The following PLXNA4 variants were observed in gnomAD, a reference collection of about 807,000 sequenced individuals.
PLXNA4 encodes plexin A4, also known as plexin-A4.
A neutral mutation model predicts 191.8 loss-of-function variants in PLXNA4; 44 were observed. The ratio of observed to expected loss-of-function variants is 0.23; its 90% confidence interval spans 0.18 to 0.29. The LOEUF is 0.29. PLXNA4 is among the 10% of genes least tolerant of loss of function. PLXNA4 has a pLI of 1.00. For missense variants in PLXNA4, 1,800 were observed against 2,488.8 expected (o/e 0.72, Z 5.89); for synonymous variants, 1,082 against 1,009.5 (o/e 1.07, Z -1.36).
At position 132,146,681 on chromosome 7, in the gene PLXNA4, C is replaced by T. The variant is rs564085342; in HGVS notation, c.4884G>A (p.Thr1628=). The change falls in exon 28 of 32, where the codon ACG becomes ACA. Residue 1628 remains threonine (T), a synonymous_variant. Coordinates refer to ENST00000321063, the MANE Select transcript of PLXNA4 (RefSeq NM_020911.2). ...GTGAGCGGAGGCTGTCGGGGCTGCC[C>T]GTGTACCGGATCATGTTTTCTGCCA... ...ASKYENMIRY[T]GSPDSLRSRT... The T allele has an allele frequency of 2.1e-5, 34 of 1,614,154 alleles. No individual in the cohort carries two copies. The highest frequency in any genetic ancestry group is 2.5e-5 in the Non-Finnish European group (29 of 1,180,012).
intron 9 of PLXNA4, 28 bp downstream of exon 9, chr7:132,223,499 C>T (rs1798211685): frequency 6.3e-7 from 1 of 1,575,342 alleles, no homozygotes; most frequent in African/African-American, 1.4e-5. Flanking sequence ...ACAAGAGACA[C>T]TCACCACTCT....
At chr7:132,608,110 ACCACCATCACTG>A (rs1802971675) in intron 2 of PLXNA4, among the ~76,000 whole-genome samples, 1 of 9,810 alleles carries the variant, frequency 1.0e-4, no homozygotes. Context: ...TATCACCATC[ACCACCATCACTG>A]CCATCATCAT....
In PLXNA4 at chr7:132,583,989, C is replaced by T. The variant is rs1319115853; in HGVS notation, c.-87+61939G>A. On this transcript the variant is annotated intron_variant, in intron 2 of 4. Transcript: ENST00000378539. ...ATCAGCCACTGTGGATGTATTTGCA[C>T]TATGGGAATAGGCACATGCTACAAA... Among the ~76,000 whole-genome samples, 7 of 152,306 alleles carry T rather than the reference C, an allele frequency of 4.6e-5. No individual in the cohort carries two copies. The East Asian group carries it at 9.7e-4, about 21-fold the overall frequency.
rs548812406 is a variant in PLXNA4 at position 132,242,313 on chromosome 7, G to A, written c.1504-1147C>T. ...CAACAGGCACAGAAAACTATAAACT[G>A]TGCTGACCTGGCTGAACCCTCTCTG... On this transcript the variant is annotated intron_variant, in intron 4 of 31. Transcript: ENST00000321063. Among the ~76,000 whole-genome samples the A allele has an allele frequency of 3.3e-5, 5 of 152,228 alleles. No individual in the cohort carries two copies. In the East Asian group the frequency reaches 9.7e-4, roughly 29 times the overall value.
intron 3 of PLXNA4, among the ~76,000 whole-genome samples, chr7:132,448,321 C>G (rs1418976505): frequency 6.6e-6 from 1 of 152,222 alleles, no homozygotes; most frequent in Admixed American, 6.5e-5. Context: ...CTCACAATAG[C>G]TGGTTGTTAC....
chr7:132,615,525 C>G (rs1167415448), intron 2 of PLXNA4, among the ~76,000 whole-genome samples: 2 of 152,156 alleles, frequency 1.3e-5, no homozygotes, highest in African/African-American at 2.4e-5. Context: ...CTGGACGCAA[C>G]GAAGAGTCAC....
intron 2 of PLXNA4, among the ~76,000 whole-genome samples, chr7:132,639,761 A>G (rs1050740497): frequency 7.9e-5 from 12 of 152,336 alleles, no homozygotes; most frequent in South Asian, 2.1e-4. Flanking sequence ...CAATTTTCCA[A>G]TGATAAATTT....
intron 13 of PLXNA4, 37 bp downstream of exon 13, chr7:132,198,448 C>G (rs750294211): frequency 2.5e-6 from 4 of 1,605,624 alleles, no homozygotes; most frequent in Non-Finnish European, 3.4e-6. Context: ...CGTCTTCCCT[C>G]CCCTGTTCCT....
intron 1 of PLXNA4, among the ~76,000 whole-genome samples, chr7:132,569,423 G>C (rs1222148367): frequency 3.3e-5 from 5 of 152,234 alleles, no homozygotes; most frequent in Non-Finnish European, 5.9e-5. Context: ...AGGACAGACA[G>C]GCAGGGGCAC....
Position 132,198,402 on chromosome 7 carries a change from A to G in PLXNA4, c.2738+83T>C, listed in dbSNP as rs1386425328. ...TTCCCCCACAACAAGCTCTGAGAGC[A>G]CCTAGTTGCTGACCAGGACATCCCT... On this transcript the variant is annotated intron_variant, in intron 13 of 31. Coordinates refer to ENST00000321063, the MANE Select transcript of PLXNA4 (RefSeq NM_020911.2). 1.1e-5 allele frequency: 16 copies of G among 1,512,644 alleles called. No individual in the cohort carries two copies. The Admixed American group carries it at 2.3e-4, about 22-fold the overall frequency. The allele number at this position is 1,512,644 out of a possible 1,614,324, so 93.7% of individuals were successfully genotyped here. A position where few individuals can be genotyped will look rare whatever the true frequency, so the allele number is the denominator to read the frequency against.
intron 27 of PLXNA4, among the ~76,000 whole-genome samples, chr7:132,147,557 G>C (rs913329508): frequency 6.6e-6 from 1 of 152,082 alleles, no homozygotes; most frequent in Non-Finnish European, 1.5e-5. Context: ...GTGCACCTGA[G>C]TTATAATGTA....
At chr7:132,371,936 A>C (rs1000838801) in intron 3 of PLXNA4, among the ~76,000 whole-genome samples, 12 of 152,190 alleles carry the variant, frequency 7.9e-5, no homozygotes, top group Admixed American at 1.3e-4. Context: ...AACTGCAATC[A>C]TGCATCCAAA....
chr7:132,293,254 G>A (rs1322465729), intron 4 of PLXNA4, among the ~76,000 whole-genome samples: 1 of 152,068 alleles, frequency 6.6e-6, no homozygotes, highest in Non-Finnish European at 1.5e-5. Context: ...TTTTCATGCT[G>A]CTGAAAAAAA....
intron 3 of PLXNA4, among the ~76,000 whole-genome samples, chr7:132,393,307 T>A (rs1403493993): frequency 6.7e-6 from 1 of 149,408 alleles, no homozygotes; most frequent in African/African-American, 2.5e-5. Flanking sequence ...CCAGACTGTG[T>A]CTCTCATCTG....
chr7:132,174,219 C>T (rs1796383332), intron 21 of PLXNA4, among the ~76,000 whole-genome samples: 1 of 152,150 alleles, frequency 6.6e-6, no homozygotes. Context: ...TATGAATAGA[C>T]ACCTAAGCCA....
intron 3 of PLXNA4, among the ~76,000 whole-genome samples, chr7:132,310,722 C>T (rs1416344546): frequency 3.9e-5 from 6 of 152,186 alleles, no homozygotes; most frequent in African/African-American, 7.2e-5. Context: ...CAGACAAGTG[C>T]GTATTACCTC....
rs769694663 is a variant in PLXNA4 at position 132,185,303 on chromosome 7, C to T, written c.3154G>A (p.Val1052Ile). The change falls in exon 16 of 32, where the codon GTC becomes ATC. Residue 1052 changes from valine to isoleucine, a missense_variant. By Grantham distance (29) the Val-to-Ile change is conservative. This residue lies in a region of PLXNA4 where 1,397 missense variants were observed against 1,880.4 expected (regional missense o/e 0.74). Transcript: ENST00000321063. ...TCCGCTTGGGCCAGCTCCTACCTGACAATGCTCCATTCTGGCTCAATCCGC... is the reference window on the plus strand; with the variant it reads ...TCCGCTTGGGCCAGCTCCTACCTGATAATGCTCCATTCTGGCTCAATCCGC... ...IVRIEPEWSI[V>I]SGNTPIAVWG... 1.7e-5 allele frequency: 27 copies of T among 1,611,940 alleles called. No homozygotes were observed. The South Asian group carries it at 2.9e-4, about 17-fold the overall frequency.
intron 3 of PLXNA4, among the ~76,000 whole-genome samples, chr7:132,393,190 A>ACCCCCCCC (rs747385813): frequency 1.1e-5 from 1 of 95,198 alleles, no homozygotes; most frequent in African/African-American, 4.6e-5. Flanking sequence ...GACCCCCAAC[A>ACCCCCCCC]CCCCCCCCCA....
intron 2 of PLXNA4, among the ~76,000 whole-genome samples, chr7:132,644,704 G>A (rs1296855183): frequency 6.6e-6 from 1 of 152,212 alleles, no homozygotes; most frequent in Non-Finnish European, 1.5e-5. Context: ...GATGATGAAG[G>A]AAATAATGGC....
Sources: allele counts gnomAD v4.1 joint callset (sites outside exome capture counted in the v4.1 genomes callset), GRCh38; gene constraint gnomAD v4.1.1; regional missense constraint gnomAD v4.1.1; transcripts MANE v1.5; gene names NCBI Gene and HGNC (gene_info 2026-07-23, HGNC 2026-07-21).